Variants in DNAAF11 observed in about 807,000 individuals in gnomAD.
DNAAF11 encodes the protein leucine rich repeat containing 6.
In DNAAF11, 45 loss-of-function variants were observed where a neutral mutation model predicts 60.8. That is an observed-to-expected ratio of 0.74 (90% CI 0.58 to 0.95). The LOEUF is 0.95. DNAAF11 is among the 40% of genes least tolerant of loss of function. The probability of loss-of-function intolerance (pLI) is 0.00; values close to 1 mark genes in which losing one functional copy is unlikely to be tolerated. For missense variants in DNAAF11, 546 were observed against 546.2 expected (o/e 1.00, Z 0.00); for synonymous variants, 191 against 183.5 (o/e 1.04, Z -0.33).
At chr8:132,613,967 G>GTTCATTCA (rs34374773) in intron 8 of DNAAF11, among the ~76,000 whole-genome samples, 42 of 151,876 alleles carry the variant, frequency 2.8e-4, no homozygotes, top group East Asian at 1.4e-3. Flanking sequence ...ATCAGTATTT[G>GTTCATTCA]TTCATTCATT....
At chr8:132,657,536 T>C (rs1823700482) in intron 2 of DNAAF11, among the ~76,000 whole-genome samples, 1 of 152,206 alleles carries the variant, frequency 6.6e-6, no homozygotes, top group Admixed American at 6.5e-5. Flanking sequence ...AGATAATTGA[T>C]TTCCTTACTG....
intron 4 of DNAAF11, among the ~76,000 whole-genome samples, chr8:132,637,414 T>A (rs1474954374): frequency 1.3e-5 from 2 of 152,182 alleles, no homozygotes; most frequent in Non-Finnish European, 2.9e-5. Context: ...AAGACCAGCC[T>A]GGCCAACATG....
At chr8:132,681,491 G>T in the DNAAF11 span, among the ~76,000 whole-genome samples, 1 of 152,062 alleles carries the variant, frequency 6.6e-6, no homozygotes, top group Non-Finnish European at 1.5e-5. Flanking sequence ...AGAGAAGACT[G>T]GAGGAGGGCA....
the DNAAF11 span, among the ~76,000 whole-genome samples, chr8:132,699,894 T>C: frequency 6.6e-6 from 1 of 152,032 alleles, no homozygotes; most frequent in Non-Finnish European, 1.5e-5. Context: ...ATAGACAAAA[T>C]AAATCCATAG....
chr8:132,672,751 G>T (rs1440014417), intron 1 of DNAAF11, among the ~76,000 whole-genome samples: 1 of 152,154 alleles, frequency 6.6e-6, no homozygotes, highest in Non-Finnish European at 1.5e-5. Flanking sequence ...TTTCTCAGGA[G>T]CCCAAATTTC....
At chr8:132,598,481 T>G (rs1178035916) in intron 10 of DNAAF11, among the ~76,000 whole-genome samples, 4 of 152,218 alleles carry the variant, frequency 2.6e-5, no homozygotes, top group African/African-American at 9.6e-5. Context: ...CAATTTTTGC[T>G]AAATAGTCAT....
At chr8:132,580,200 TC>T (rs1229711333) in intron 11 of DNAAF11, among the ~76,000 whole-genome samples, 13 of 152,162 alleles carry the variant, frequency 8.5e-5, no homozygotes, top group African/African-American at 2.9e-4. Context: ...CTGGAACGCT[TC>T]CCTCTGGACT....
chr8:132,575,740 T>A (rs1323385312), intron 11 of DNAAF11, among the ~76,000 whole-genome samples: 7 of 152,134 alleles, frequency 4.6e-5, no homozygotes, highest in African/African-American at 7.2e-5. Flanking sequence ...GAGGTAACAC[T>A]GACAAAAGGT....
At chr8:132,586,764 T>C (rs980887765) in intron 10 of DNAAF11, among the ~76,000 whole-genome samples, 3 of 152,140 alleles carry the variant, frequency 2.0e-5, no homozygotes, top group Non-Finnish European at 4.4e-5. Flanking sequence ...CACTGAGATG[T>C]TGACTGAGAC....
upstream of DNAAF11, among the ~76,000 whole-genome samples, chr8:132,677,577 T>C (rs1040677762): frequency 6.6e-6 from 1 of 152,108 alleles, no homozygotes; most frequent in Non-Finnish European, 1.5e-5. Context: ...TCAGACCTAC[T>C]CACTGTTGAC....
intron 3 of DNAAF11, among the ~76,000 whole-genome samples, chr8:132,641,024 A>G (rs1332701071): frequency 2.6e-5 from 4 of 152,194 alleles, no homozygotes; most frequent in Non-Finnish European, 4.4e-5. Flanking sequence ...CCATGAGTTC[A>G]TGCCAATATA....
rs537586761 is a variant in DNAAF11, at chr8:132,622,891, T to C, written c.837-203A>G. 7.5e-6 allele frequency: 4 copies of C among 534,812 alleles called. No homozygotes were observed. The South Asian group carries it at 1.0e-4, about 14-fold the overall frequency. 33.1% of individuals were successfully genotyped at this position (534,812 alleles called of 1,614,324 possible). A position where few individuals can be genotyped will look rare whatever the true frequency, so the allele number is the denominator to read the frequency against. ...ACTGACAATCAAGCCAGATTTTTTATATGGTTGTATCTGTATCTGTACAGC... is the reference window on the plus strand; with the variant it reads ...ACTGACAATCAAGCCAGATTTTTTACATGGTTGTATCTGTATCTGTACAGC... On this transcript the variant is annotated intron_variant, in intron 6 of 11. Transcript: ENST00000620350.
chr8:132,648,684 G>A (rs1050331649), intron 3 of DNAAF11, among the ~76,000 whole-genome samples: 17 of 152,134 alleles, frequency 1.1e-4, no homozygotes, highest in Non-Finnish European at 2.1e-4. Context: ...AAATCAATGT[G>A]CAAAAATCAC....
chr8:132,614,363 G>A (rs1818945472), intron 8 of DNAAF11, among the ~76,000 whole-genome samples: 1 of 152,150 alleles, frequency 6.6e-6, no homozygotes, highest in Non-Finnish European at 1.5e-5. Context: ...AGGATGTATC[G>A]GCACAGTGAA....
intron 10 of DNAAF11, among the ~76,000 whole-genome samples, chr8:132,586,192 A>G (rs1815871687): frequency 6.6e-6 from 1 of 152,144 alleles, no homozygotes; most frequent in African/African-American, 2.4e-5. Context: ...AGGCAGCAAG[A>G]CCTCCAAGAG....
At chr8:132,692,117 C>A in the DNAAF11 span, among the ~76,000 whole-genome samples, 1 of 151,212 alleles carries the variant, frequency 6.6e-6, no homozygotes, top group Non-Finnish European at 1.5e-5. Flanking sequence ...AGTAGGGAGA[C>A]CAGTTTGGAG....
chr8:132,663,839 C>G (rs1033257999), intron 1 of DNAAF11, among the ~76,000 whole-genome samples: 7 of 152,204 alleles, frequency 4.6e-5, no homozygotes, highest in African/African-American at 1.7e-4. Flanking sequence ...AGGTACATAT[C>G]CCAACGCCTA....
At chr8:132,593,834 C>G (rs1264677028) in intron 10 of DNAAF11, among the ~76,000 whole-genome samples, 1 of 151,818 alleles carries the variant, frequency 6.6e-6, no homozygotes, top group Non-Finnish European at 1.5e-5. Context: ...ATCTTCAAAT[C>G]CATAAGAGAA....
In DNAAF11 at chr8:132,632,829, C is replaced by T; in HGVS notation, c.564G>A (p.Gln188=). ...TTTTATCCTCTTCTTGGTGTTTCCTCTGAGCCTCTTCCTTGAGTTTGGCTC... is the reference window on the plus strand; with the variant it reads ...TTTTATCCTCTTCTTGGTGTTTCCTTTGAGCCTCTTCCTTGAGTTTGGCTC... ...LKRAKLKEEA[Q]RKHQEEDKNE... Residue 188 remains glutamine, a synonymous_variant, in exon 5 of 12, where the codon CAG becomes CAA. Transcript: ENST00000620350. 6.2e-7 allele frequency: 1 copy of T among 1,613,994 alleles called. No individual in the cohort carries two copies. Among genetic ancestry groups the T allele is most frequent in the Non-Finnish European group, 8.5e-7 (1 of 1,179,902 alleles).
Sources: allele counts gnomAD v4.1 joint callset (sites outside exome capture counted in the v4.1 genomes callset), GRCh38; gene constraint gnomAD v4.1.1; transcripts MANE v1.5; gene names NCBI Gene and HGNC (gene_info 2026-07-23, HGNC 2026-07-21).